The following VAC14 variants were observed in gnomAD, a reference collection of about 807,000 sequenced individuals.
The protein encoded by VAC14 is VAC14 component of PIKFYVE complex.
In VAC14, 47 loss-of-function variants were observed where a neutral mutation model predicts 85.3. The observed-to-expected ratio is 0.55, with a 90% confidence interval of 0.44 to 0.70. The LOEUF is 0.70. Among genes scored for constraint, VAC14 ranks in the 30% least tolerant of loss-of-function variants. The probability of loss-of-function intolerance (pLI) is 0.00; values close to 1 mark genes in which losing one functional copy is unlikely to be tolerated. For missense variants in VAC14, 861 were observed against 1,004.3 expected (o/e 0.86, Z 1.93); for synonymous variants, 447 against 430.5 (o/e 1.04, Z -0.47).
At chr16:70,789,619 A>G (rs912381272) in intron 1 of VAC14, among the ~76,000 whole-genome samples, 1 of 152,212 alleles carries the variant, frequency 6.6e-6, no homozygotes, top group Non-Finnish European at 1.5e-5. Context: ...TGAATTTGAG[A>G]TTTCACACTG....
At chr16:70,694,099 GAC>G (rs2053657418) in intron 17 of VAC14, among the ~76,000 whole-genome samples, 1 of 152,232 alleles carries the variant, frequency 6.6e-6, no homozygotes, top group Non-Finnish European at 1.5e-5. Flanking sequence ...GGATCCAGGC[GAC>G]TCAGGGCTGG....
intron 12 of VAC14, among the ~76,000 whole-genome samples, chr16:70,746,882 G>A (rs2030941153): frequency 6.6e-6 from 1 of 151,990 alleles, no homozygotes; most frequent in Non-Finnish European, 1.5e-5. Flanking sequence ...GGGAGGATGG[G>A]GGAATGACTC....
chr16:70,737,239 C>G (rs1041786122), intron 13 of VAC14, among the ~76,000 whole-genome samples: 1 of 152,204 alleles, frequency 6.6e-6, no homozygotes, highest in Non-Finnish European at 1.5e-5. Flanking sequence ...GTGCTGCAGG[C>G]GCATGAGGAA....
Position 70,785,817 on chromosome 16 carries a change from T to C in VAC14, c.308A>G (p.Asn103Ser), listed in dbSNP as rs530588235. The change falls in exon 3 of 19, where the codon AAT (asparagine) becomes AGT (serine). Residue 103 changes from asparagine (N) to serine (S), a missense_variant. Physicochemically the swap from Asn to Ser is conservative, Grantham distance 46. Transcript: ENST00000261776. ...GTAGCGCAGCCTGCTGTCTGCATCA[T>C]TGAAGCAGGTCAGCACTGGCTCGAT... The part of the protein sequence containing the change: ...ELIEPVLTCF[N>S]DADSRLRYYA... 1.3e-4 allele frequency: 202 copies of C among 1,604,414 alleles called. 3 individuals carry two copies. The South Asian group carries it at 1.5e-3, about 12-fold the overall frequency.
At chr16:70,753,011 G>GGGT (rs1486481327) in intron 12 of VAC14, among the ~76,000 whole-genome samples, 1 of 142,982 alleles carries the variant, frequency 7.0e-6, no homozygotes, top group Non-Finnish European at 1.5e-5. Context: ...AGGAGGAGGG[G>GGGT]GTGTGTGTGT....
At chr16:70,691,737 T>C in intron 18 of VAC14, 3 of 985,394 alleles carry the variant, frequency 3.0e-6, no homozygotes, top group Non-Finnish European at 3.6e-6. Flanking sequence ...CCTCTCCAGC[T>C]GGCCTGGGGC....
intron 17 of VAC14, among the ~76,000 whole-genome samples, chr16:70,694,998 C>T (rs576556160): frequency 4.6e-5 from 7 of 152,148 alleles, no homozygotes; most frequent in Non-Finnish European, 8.8e-5. Context: ...CTGCTGTCAG[C>T]GCTGGCTCAT....
intron 16 of VAC14, 133 bp downstream of exon 16, chr16:70,697,006 A>G: frequency 1.4e-6 from 1 of 699,964 alleles, no homozygotes; most frequent in East Asian, 2.8e-5. Flanking sequence ...CTGATGTCAC[A>G]AGCCCTGAGG....
chr16:70,726,692 G>A (rs908928505), intron 14 of VAC14, among the ~76,000 whole-genome samples: 13 of 152,160 alleles, frequency 8.5e-5, no homozygotes, highest in Admixed American at 2.0e-4. Context: ...GAGGGAGTGG[G>A]GGTACAGCAC....
In VAC14 at chr16:70,695,571, G is replaced by A. The variant is rs2053689119; in HGVS notation, c.2008C>T (p.Gln670Ter). ...GTGAAGATGGGGCACTCAATCAGCT[G>A]CACCAGCTTGTCCACCTCTGCGAGG... is the stretch of plus-strand genomic sequence containing the variant. ...DFLAEVDKLV[Q>*]LIECPIFTYL... The change falls in exon 17 of 19, where the codon CAG becomes TAG. Residue 670 changes from glutamine to a stop codon, truncating the protein, a stop_gained. Coordinates refer to ENST00000261776, the MANE Select transcript of VAC14 (RefSeq NM_018052.5). LOFTEE classifies it high-confidence loss of function. 6.2e-7 allele frequency: 1 copy of A among 1,613,970 alleles called. No individual in the cohort carries two copies. The highest frequency in any genetic ancestry group is 8.5e-7 in the Non-Finnish European group (1 of 1,179,972).
chr16:70,719,537 A>G (rs934860663), intron 14 of VAC14, among the ~76,000 whole-genome samples: 1 of 152,222 alleles, frequency 6.6e-6, no homozygotes, highest in Non-Finnish European at 1.5e-5. Flanking sequence ...AATAAGAAAA[A>G]CACCAAAAAC....
At position 70,785,927 on chromosome 16, in the gene VAC14, G is replaced by C. The variant is rs182310428; in HGVS notation, c.256-58C>G. 7 of 1,527,704 alleles carry C rather than the reference G, an allele frequency of 4.6e-6. No individual in the cohort carries two copies. The Admixed American group carries it at 9.9e-5, about 22-fold the overall frequency. 94.6% of individuals were successfully genotyped at this position (1,527,704 alleles called of 1,614,324 possible). ...AATGGGTTGGAGCCCAGGCCCTGCA[G>C]CCTGCAGTGCCAGCTGACATCCCAG... On this transcript the variant is annotated intron_variant, in intron 2 of 18. Transcript: ENST00000261776.
Position 70,692,958 on chromosome 16 carries a change from C to T in VAC14, c.2049G>A (p.Gln683=). 6.2e-7 allele frequency: 1 copy of T among 1,611,012 alleles called. No individual in the cohort carries two copies. The highest frequency in any genetic ancestry group is 8.5e-7 in the Non-Finnish European group (1 of 1,179,392). ...ECPIFTYLRL[Q]LLDVKNNPYL... ...AGGGGTTGTTCTTCACGTCCAGCAG[C>T]TGCAGGCGCAGATCTGGGGTAGGCA... Residue 683 remains glutamine, a synonymous_variant, in exon 18 of 19, where the codon CAG becomes CAA. Transcript: ENST00000261776.
chr16:70,784,175 G>A lies in VAC14; in HGVS notation c.532C>T (p.Pro178Ser), dbSNP rs1419649496. 6.2e-7 allele frequency: 1 copy of A among 1,614,160 alleles called. No individual in the cohort carries two copies. Among genetic ancestry groups the A allele is most frequent in the Admixed American group, 1.7e-5 (1 of 60,028 alleles). ...SNKFDLVSFI[P>S]LLRERIYSNN... ...GAGTAAATCCTCTCTCGCAACAAGG[G>A]GATGAAGCTCACCAGGTCAAACTTG... is the stretch of plus-strand genomic sequence containing the variant. The change falls in exon 5 of 19, where the codon CCC (proline) becomes TCC (serine). Residue 178 changes from proline to serine, a missense_variant. By Grantham distance (74) the Pro-to-Ser change is moderately conservative. Coordinates refer to ENST00000261776, the MANE Select transcript of VAC14 (RefSeq NM_018052.5).
chr16:70,774,752 G>GTT (rs1158583692), intron 9 of VAC14, among the ~76,000 whole-genome samples: 5 of 47,224 alleles, frequency 1.1e-4, no homozygotes, highest in Admixed American at 4.4e-4. Flanking sequence ...TTCCTTCCTT[G>GTT]TTTTTTTTTT....
intron 15 of VAC14, among the ~76,000 whole-genome samples, chr16:70,697,772 A>G (rs2053743409): frequency 6.6e-6 from 1 of 152,186 alleles, no homozygotes; most frequent in Admixed American, 6.5e-5. Context: ...GCCTCTGCGA[A>G]TGTCTGGAAG....
chr16:70,761,757 C>T lies in VAC14; in HGVS notation c.1371+783G>A, dbSNP rs1484299843. ...CTCTGCACCAGCAGCTCTTGGTGGC[C>T]CCAAAAAGGCAAAGCTTAAGGGTCC... On this transcript the variant is annotated intron_variant, in intron 12 of 18. Coordinates refer to ENST00000261776, the MANE Select transcript of VAC14 (RefSeq NM_018052.5). 2.0e-5 allele frequency among the ~76,000 whole-genome samples: 3 copies of T among 152,158 alleles called. No homozygotes were observed. In the East Asian group the frequency reaches 5.8e-4, roughly 29 times the overall value.
chr16:70,693,082 C>T, intron 17 of VAC14, 111 bp from the exon 18 acceptor site: 1 of 1,399,940 alleles, frequency 7.1e-7, no homozygotes, highest in East Asian at 2.4e-5. Flanking sequence ...GGTGCCATGG[C>T]ACCCACAGCC....
rs150712949 is a variant in VAC14 at position 70,760,716 on chromosome 16, C to T, written c.1371+1824G>A. Among the ~76,000 whole-genome samples the T allele has an allele frequency of 6.3e-3, 955 of 152,268 alleles. 6 individuals are homozygous for T. The highest frequency in any genetic ancestry group is 0.029 in the South Asian group (140 of 4,818). Reference sequence around the variant, plus strand: ...CATCTCCGCCTGCTCCCTTTCAATGCGCACACACAAAAACCAATTTCAAGC... The same window carrying T: ...CATCTCCGCCTGCTCCCTTTCAATGTGCACACACAAAAACCAATTTCAAGC... On this transcript the variant is annotated intron_variant, in intron 12 of 18. Transcript: ENST00000261776.
Sources: gnomAD v4.1 joint callset for allele counts (sites outside exome capture counted in the v4.1 genomes callset) on GRCh38, gnomAD v4.1.1 for gene constraint, MANE v1.5 for transcripts, NCBI Gene and HGNC (gene_info 2026-07-23, HGNC 2026-07-21) for gene names.